PTPRG: variants seen among roughly 807,000 people sequenced by gnomAD.
PTPRG encodes receptor-type tyrosine-protein phosphatase gamma.
In PTPRG, 102 loss-of-function variants were observed where a neutral mutation model predicts 165.3. The ratio of observed to expected loss-of-function variants is 0.62; its 90% CI spans 0.53 to 0.73. The LOEUF (loss-of-function observed/expected upper bound fraction) is 0.73, where lower values mean the gene tolerates loss of function less well. PTPRG is among the 30% of genes least tolerant of loss of function. PTPRG has a pLI of 0.00. For missense variants in PTPRG, 1,866 were observed against 1,861.4 expected, an observed-to-expected ratio of 1.00 and a Z score of -0.05; for synonymous variants, 675 against 669.5, an observed-to-expected ratio of 1.01 and a Z score of -0.13.
At chr3:62,059,758 T>C (rs1381709022) in intron 4 of PTPRG, among the ~76,000 whole-genome samples, 1 of 152,106 alleles carries the variant, frequency 6.6e-6, no homozygotes, top group Non-Finnish European at 1.5e-5. Context: ...TAGTAGGAGG[T>C]AGTGGAATTA....
intron 1 of PTPRG, among the ~76,000 whole-genome samples, chr3:61,693,748 A>G (rs1304388511): frequency 2.0e-5 from 3 of 152,122 alleles, no homozygotes; most frequent in Admixed American, 1.3e-4. Context: ...GCTCACGCCT[A>G]TAATTGCAGC....
chr3:61,640,966 G>A (rs1702042809), intron 1 of PTPRG, among the ~76,000 whole-genome samples: 1 of 152,122 alleles, frequency 6.6e-6, no homozygotes, highest in South Asian at 2.1e-4. Context: ...AGGTGCCTCT[G>A]AGGAACTTGG....
chr3:62,074,352 CTTTTTT>C (rs200189646), intron 4 of PTPRG, among the ~76,000 whole-genome samples: 3 of 109,112 alleles, frequency 2.7e-5, no homozygotes, highest in Non-Finnish European at 5.4e-5. Context: ...TCTTTTCTTT[CTTTTTT>C]TTTTTTTTTT....
At chr3:62,149,955 A>G (rs1379105359) in intron 6 of PTPRG, among the ~76,000 whole-genome samples, 11 of 152,142 alleles carry the variant, frequency 7.2e-5, no homozygotes, top group Admixed American at 4.6e-4. Flanking sequence ...TCTTTAAACC[A>G]GGCAGAGTCC....
At chr3:61,978,804 C>A (rs985379292) in intron 2 of PTPRG, among the ~76,000 whole-genome samples, 3 of 152,136 alleles carry the variant, frequency 2.0e-5, no homozygotes. Flanking sequence ...ACGGATATGA[C>A]CAAGTTCCAA....
At chr3:61,730,982 T>G (rs1349704154) in intron 1 of PTPRG, among the ~76,000 whole-genome samples, 1 of 152,218 alleles carries the variant, frequency 6.6e-6, no homozygotes, top group Non-Finnish European at 1.5e-5. Context: ...GTATTTGCTG[T>G]GGGCCCCTTT....
intron 29 of PTPRG, 38 bp from the exon 30 acceptor site, chr3:62,293,123 T>G (rs749990292): frequency 1.7e-5 from 26 of 1,497,016 alleles, no homozygotes; most frequent in Non-Finnish European, 2.2e-5. Flanking sequence ...ATCACTAAAC[T>G]GTTCTTTGGC....
chr3:61,700,109 G>A (rs2030871959), intron 1 of PTPRG, among the ~76,000 whole-genome samples: 1 of 152,060 alleles, frequency 6.6e-6, no homozygotes, highest in Admixed American at 6.6e-5. Context: ...GAAAATCTGA[G>A]GAGGTTTCAT....
At chr3:62,268,684 G>A (rs1701964099) in intron 19 of PTPRG, among the ~76,000 whole-genome samples, 1 of 152,052 alleles carries the variant, frequency 6.6e-6, no homozygotes, top group Non-Finnish European at 1.5e-5. Flanking sequence ...TGATACTTAA[G>A]CTCCCTTTAT....
chr3:62,116,256 G>T (rs894312731), intron 5 of PTPRG, among the ~76,000 whole-genome samples: 7 of 152,088 alleles, frequency 4.6e-5, no homozygotes. Flanking sequence ...TATCAGGTAG[G>T]CCTTTTAGTA....
intron 1 of PTPRG, among the ~76,000 whole-genome samples, chr3:61,710,785 A>G (rs1054964420): frequency 6.6e-6 from 1 of 151,912 alleles, no homozygotes; most frequent in Non-Finnish European, 1.5e-5. Flanking sequence ...TATTATTATT[A>G]TTATACTTCA....
chr3:61,959,190 G>C (rs559708078), intron 2 of PTPRG, among the ~76,000 whole-genome samples: 36 of 152,198 alleles, frequency 2.4e-4, no homozygotes, highest in Non-Finnish European at 4.3e-4. Flanking sequence ...TCCAATTTCA[G>C]ATTCCCTGCA....
chr3:62,292,562 T>C lies in PTPRG; in HGVS notation c.4191+6T>C, dbSNP rs756852668. 2 of 1,612,444 alleles carry C rather than the reference T, an allele frequency of 1.2e-6. No homozygotes were observed. The highest frequency in any genetic ancestry group is 2.7e-5 in the African/African-American group (2 of 74,850). On this transcript the variant is annotated splice_donor_region_variant and intron_variant, in intron 29 of 29. Transcript: ENST00000474889. ...CTGGAGTATTCACAGACATTGTAAGTAGTTTGCTTATGTGTAAAACCTGTA... is the reference window on the plus strand; with the variant it reads ...CTGGAGTATTCACAGACATTGTAAGCAGTTTGCTTATGTGTAAAACCTGTA...
At chr3:61,563,248 T>A (rs530161391) in intron 1 of PTPRG, among the ~76,000 whole-genome samples, 100 of 152,284 alleles carry the variant, frequency 6.6e-4, no homozygotes, top group Non-Finnish European at 1.1e-3. Context: ...TTTGCCCTTT[T>A]GCAGGCTGTT....
chr3:61,826,270 A>C (rs1345512019), intron 2 of PTPRG, among the ~76,000 whole-genome samples: 1 of 152,212 alleles, frequency 6.6e-6, no homozygotes, highest in Non-Finnish European at 1.5e-5. Flanking sequence ...TCTTTCCCCT[A>C]CGGTGAGTAG....
At chr3:61,601,961 C>T (rs1015235640) in intron 1 of PTPRG, among the ~76,000 whole-genome samples, 31 of 152,316 alleles carry the variant, frequency 2.0e-4, no homozygotes, top group Middle Eastern at 6.8e-3. Context: ...CTTACAACAA[C>T]GCTGTTAGAG....
chr3:61,963,510 A>G (rs1480825123), intron 2 of PTPRG, among the ~76,000 whole-genome samples: 1 of 152,188 alleles, frequency 6.6e-6, no homozygotes, highest in Non-Finnish European at 1.5e-5. Flanking sequence ...CTAGAAAGAG[A>G]AAATATTTAT....
chr3:61,794,979 C>T (rs971958307), intron 2 of PTPRG, among the ~76,000 whole-genome samples: 16 of 152,066 alleles, frequency 1.1e-4, no homozygotes, highest in African/African-American at 3.6e-4. Context: ...AGGAAAGTGA[C>T]CTCACTGTTA....
intron 1 of PTPRG, among the ~76,000 whole-genome samples, chr3:61,715,261 G>A (rs964574647): frequency 1.3e-5 from 2 of 151,324 alleles, no homozygotes; most frequent in South Asian, 4.2e-4. Flanking sequence ...TCTTTTTCCA[G>A]GCTGGAGTGT....
Sources: allele counts gnomAD v4.1 joint callset (sites outside exome capture counted in the v4.1 genomes callset), GRCh38; gene constraint gnomAD v4.1.1; transcripts MANE v1.5; gene names NCBI Gene and HGNC (gene_info 2026-07-23, HGNC 2026-07-21).